The following TBC1D5 variants were observed in gnomAD, a reference collection of about 807,000 sequenced individuals.
TBC1D5 encodes TBC1 domain family, member 5.
Under a neutral mutation model 100.3 loss-of-function variants are expected in TBC1D5, and 75 were observed. The ratio of observed to expected loss-of-function variants is 0.75; its 90% CI spans 0.62 to 0.91. TBC1D5 has a LOEUF of 0.91. TBC1D5 is among the 40% of genes least tolerant of loss of function. TBC1D5 has a pLI of 0.00. For missense variants in TBC1D5, 910 were observed against 942.4 expected, an observed-to-expected ratio of 0.97 and a Z score of 0.45; for synonymous variants, 323 against 325.6, an observed-to-expected ratio of 0.99 and a Z score of 0.09.
intron 3 of TBC1D5, among the ~76,000 whole-genome samples, chr3:17,460,365 T>G (rs2095179381): frequency 6.6e-6 from 1 of 152,236 alleles, no homozygotes; most frequent in Admixed American, 6.5e-5. Context: ...TCTTTGGGGA[T>G]GAATGATGAG....
chr3:17,583,266 CAG>C (rs1391195161), intron 2 of TBC1D5, among the ~76,000 whole-genome samples: 2 of 151,766 alleles, frequency 1.3e-5, no homozygotes, highest in Non-Finnish European at 2.9e-5. Flanking sequence ...GCCTGGGAGA[CAG>C]AGTGACACCC....
intron 13 of TBC1D5, among the ~76,000 whole-genome samples, chr3:17,346,980 A>G (rs1421831506): frequency 6.6e-6 from 1 of 152,212 alleles, no homozygotes; most frequent in African/African-American, 2.4e-5. Context: ...TGTTCTACAG[A>G]ATGGCTTGCC....
chr3:17,674,104 T>C (rs1198234186), intron 1 of TBC1D5, among the ~76,000 whole-genome samples: 1 of 152,052 alleles, frequency 6.6e-6, no homozygotes, highest in Non-Finnish European at 1.5e-5. Flanking sequence ...TTCTACATAT[T>C]TGAAAAAAAA....
At chr3:17,624,385 T>G (rs2062901826) in intron 1 of TBC1D5, among the ~76,000 whole-genome samples, 1 of 152,302 alleles carries the variant, frequency 6.6e-6, no homozygotes, top group African/African-American at 2.4e-5. Context: ...ATAAGCCAAC[T>G]GTTTAGATTC....
chr3:17,196,498 G>A (rs191230665), intron 18 of TBC1D5, among the ~76,000 whole-genome samples: 3 of 152,194 alleles, frequency 2.0e-5, no homozygotes, highest in Non-Finnish European at 2.9e-5. Flanking sequence ...GTAAGAGGGA[G>A]GACTAATGAT....
chr3:17,665,041 A>AAAAAG lies in TBC1D5; in HGVS notation c.-100-41129_-100-41128insCTTTT, dbSNP rs1553906259. The AAAAAG allele has an allele frequency of 5.8e-4, 78 of 133,850 alleles. 1 individual carries two copies. The East Asian group carries it at 0.022, about 37-fold the overall frequency. The allele number at this position is 133,850 out of a possible 1,614,324, so 8.3% of individuals were successfully genotyped here. The stretch of plus-strand genomic sequence containing the variant: ...GAAAGCCCCGCTATTTAAAAAAAAA[A>AAAAAG]AAAAAAAAAAGGAAGAAGAAAGGAA... On this transcript the variant is annotated intron_variant, in intron 1 of 21. Coordinates refer to ENST00000253692, the Ensembl canonical transcript of TBC1D5.
At chr3:17,655,604 C>A (rs2065989498) in intron 1 of TBC1D5, among the ~76,000 whole-genome samples, 1 of 152,096 alleles carries the variant, frequency 6.6e-6, no homozygotes, top group African/African-American at 2.4e-5. Context: ...CAATCATCTT[C>A]ATTAAACCTG....
intron 4 of TBC1D5, among the ~76,000 whole-genome samples, chr3:17,412,457 T>G (rs1047767763): frequency 2.0e-5 from 3 of 152,074 alleles, no homozygotes; most frequent in Non-Finnish European, 4.4e-5. Context: ...AGGATCAAAA[T>G]GAAGGTTTTT....
chr3:17,446,405 T>G (rs1299473311), intron 3 of TBC1D5, among the ~76,000 whole-genome samples: 1 of 152,086 alleles, frequency 6.6e-6, no homozygotes, highest in Non-Finnish European at 1.5e-5. Flanking sequence ...ATGTCAATAA[T>G]GATTCCTAAA....
intron 9 of TBC1D5, among the ~76,000 whole-genome samples, chr3:17,381,390 T>G (rs1483574136): frequency 6.6e-6 from 1 of 152,052 alleles, no homozygotes; most frequent in African/African-American, 2.4e-5. Context: ...TTCACTATCA[T>G]CAAGTCTTTT....
At chr3:17,353,782 G>C (rs1448385951) in intron 13 of TBC1D5, among the ~76,000 whole-genome samples, 1 of 152,086 alleles carries the variant, frequency 6.6e-6, no homozygotes, top group African/African-American at 2.4e-5. Flanking sequence ...GGAAACAGTG[G>C]AGTTTAACAA....
intron 13 of TBC1D5, among the ~76,000 whole-genome samples, chr3:17,313,762 C>G (rs545598410): frequency 6.6e-6 from 1 of 152,320 alleles, no homozygotes; most frequent in South Asian, 2.1e-4. Context: ...AGACCACAGT[C>G]ATTATGCTTC....
At chr3:17,500,576 T>A (rs1164896727) in intron 3 of TBC1D5, among the ~76,000 whole-genome samples, 1 of 149,474 alleles carries the variant, frequency 6.7e-6, no homozygotes, top group Non-Finnish European at 1.5e-5. Flanking sequence ...AGTCTTCCAA[T>A]CACCAAATCA....
At chr3:17,676,450 T>G (rs1256116311) in intron 1 of TBC1D5, among the ~76,000 whole-genome samples, 3 of 152,146 alleles carry the variant, frequency 2.0e-5, no homozygotes, top group Non-Finnish European at 4.4e-5. Context: ...GCAAGGGATG[T>G]GAAGGACTTC....
intron 1 of TBC1D5, among the ~76,000 whole-genome samples, chr3:17,716,244 C>T (rs2075229444): frequency 1.3e-5 from 2 of 152,140 alleles, no homozygotes; most frequent in South Asian, 4.1e-4. Flanking sequence ...ACCTCCACTA[C>T]AGCAACCACC....
intron 2 of TBC1D5, among the ~76,000 whole-genome samples, chr3:17,576,034 C>T (rs779688449): frequency 1.3e-5 from 2 of 151,980 alleles, no homozygotes; most frequent in Non-Finnish European, 2.9e-5. Flanking sequence ...CCAAAATGTT[C>T]AGTTACTAAG....
intron 18 of TBC1D5, among the ~76,000 whole-genome samples, chr3:17,192,494 T>C (rs988902100): frequency 6.6e-6 from 1 of 152,230 alleles, no homozygotes; most frequent in Non-Finnish European, 1.5e-5. Flanking sequence ...CTGCTCTTTA[T>C]GGGTTGCCTA....
intron 3 of TBC1D5, among the ~76,000 whole-genome samples, chr3:17,504,564 A>G (rs1027300815): frequency 2.0e-5 from 3 of 152,250 alleles, no homozygotes; most frequent in Non-Finnish European, 4.4e-5. Context: ...CTGGCTTAGC[A>G]TATCTGAGCA....
intron 2 of TBC1D5, among the ~76,000 whole-genome samples, chr3:17,615,801 C>A (rs758347178): frequency 2.6e-5 from 4 of 152,082 alleles, no homozygotes; most frequent in Admixed American, 2.6e-4. Context: ...GTCTTGCTAG[C>A]GGTCTATCAA....
Sources: gnomAD v4.1 joint callset for allele counts (sites outside exome capture counted in the v4.1 genomes callset) on GRCh38, gnomAD v4.1.1 for gene constraint, MANE v1.5 for transcripts, NCBI Gene and HGNC (gene_info 2026-07-23, HGNC 2026-07-21) for gene names.